The following SREBF2 variants were observed in gnomAD, a reference collection of about 807,000 sequenced individuals.
SREBF2 encodes sterol regulatory element-binding protein 2.
In SREBF2, 55 loss-of-function variants were observed where a neutral mutation model predicts 113.1. That is an observed-to-expected ratio of 0.49 (90% CI 0.39 to 0.61). SREBF2 has a LOEUF of 0.61. SREBF2 is among the 20% of genes least tolerant of loss of function. SREBF2 has a pLI of 0.00. For missense variants in SREBF2, 1,349 were observed against 1,487.4 expected, an observed-to-expected ratio of 0.91 and a Z score of 1.53; for synonymous variants, 593 against 605.7, an observed-to-expected ratio of 0.98 and a Z score of 0.31.
chr22:41,867,577 C>T (rs912175169), intron 2 of SREBF2, among the ~76,000 whole-genome samples: 3 of 152,088 alleles, frequency 2.0e-5, no homozygotes, highest in South Asian at 2.1e-4. Context: ...GAGGCCAAGG[C>T]GGGCGGATCA....
chr22:41,899,622 A>G (rs1011589647), intron 15 of SREBF2: 11 of 976,838 alleles, frequency 1.1e-5, no homozygotes, highest in South Asian at 9.3e-5. Flanking sequence ...TCATTGAAGT[A>G]GCCCCATTTG....
At chr22:41,839,551 G>A (rs2076808378) in intron 1 of SREBF2, among the ~76,000 whole-genome samples, 1 of 152,220 alleles carries the variant, frequency 6.6e-6, no homozygotes, top group Non-Finnish European at 1.5e-5. Context: ...GGAAGCAGGG[G>A]TGAGTGGGAG....
rs1392788689 is a variant in SREBF2 at position 41,864,329 on chromosome 22, T to A, written c.89-2502T>A. Among the ~76,000 whole-genome samples the A allele has an allele frequency of 6.0e-4, 76 of 126,102 alleles. 1 individual carries two copies. The highest frequency in any genetic ancestry group is 1.8e-3 in the African/African-American group (55 of 30,518). The allele number at this position is 126,102 out of a possible 152,430, so 82.7% of individuals were successfully genotyped here. ...TATATGTATATATATATATATTTTTTTTTTTTTTTGAGACTGAGTCTCGCT... is the reference window on the plus strand; with the variant it reads ...TATATGTATATATATATATATTTTTATTTTTTTTTGAGACTGAGTCTCGCT... On this transcript the variant is annotated intron_variant, in intron 1 of 18. Transcript: ENST00000361204.
At chr22:41,892,420 C>T (rs370962529) in intron 11 of SREBF2, among the ~76,000 whole-genome samples, 102 of 152,192 alleles carry the variant, frequency 6.7e-4, no homozygotes, top group African/African-American at 2.1e-3. Context: ...GAGGCCGAGA[C>T]GGGCGGATCA....
At chr22:41,875,236 T>A (rs2077183867) in intron 5 of SREBF2, 101 bp from the exon 6 acceptor site, 1 of 982,742 alleles carries the variant, frequency 1.0e-6, no homozygotes, top group South Asian at 1.4e-5. Flanking sequence ...TGGTTTCTCC[T>A]CTCACAGAGC....
intron 1 of SREBF2, chr22:41,834,350 A>G (rs2076748703): frequency 1.3e-5 from 2 of 152,122 alleles, no homozygotes; most frequent in South Asian, 4.2e-4. Flanking sequence ...CTTCCTCACA[A>G]CAATCCTGTG....
rs767371423 is a variant in SREBF2 at position 41,905,594 on chromosome 22, C to T, written c.3360C>T (p.Arg1120=). The stretch of plus-strand genomic sequence containing the variant: ...CCCTGGAGAAGGTGGGCGACCGGCG[C>T]TCCTGCAACGACTGCCAGCAGATGA... ...ARTLEKVGDR[R]SCNDCQQMIV... The change falls in exon 19 of 19, where the codon CGC becomes CGT. Residue 1120 remains arginine (R), a synonymous_variant. Transcript: ENST00000361204. The T allele has an allele frequency of 6.3e-7, 1 of 1,599,870 alleles. No individual in the cohort carries two copies. The highest frequency in any genetic ancestry group is 8.5e-7 in the Non-Finnish European group (1 of 1,174,148).
At position 41,840,638 on chromosome 22, in the gene SREBF2, G is replaced by T. The variant is rs867416847; in HGVS notation, c.88+7280G>T. Among the ~76,000 whole-genome samples, 8 of 152,284 alleles carry T rather than the reference G, an allele frequency of 5.3e-5. No individual in the cohort carries two copies. In the Middle Eastern group the frequency reaches 0.01, roughly 194 times the overall value. On this transcript the variant is annotated intron_variant, in intron 1 of 18. Transcript: ENST00000361204. ...GGACAGAGTTTTATGTCAGAATTTT[G>T]AAGGCATTGTCTGATTATCTTCTTG...
rs1056821520 is a variant in SREBF2 at position 41,875,709 on chromosome 22, A to G, written c.1371A>G (p.Leu457=). Residue 457 remains leucine (L), a synonymous_variant, in exon 7 of 19, where the codon CTA becomes CTG. Coordinates refer to ENST00000361204, the MANE Select transcript of SREBF2 (RefSeq NM_004599.4). The part of the protein sequence containing the change: ...YSIDSEPGSP[L]LDDAKVKDEP... ...TTGACTCTGAGCCAGGAAGCCCTCT[A>G]TTGGATGATGCAAAGGTACAGACTT... 5.0e-6 allele frequency: 8 copies of G among 1,614,088 alleles called. No homozygotes were observed. Among genetic ancestry groups the G allele is most frequent in the South Asian group, 1.1e-5 (1 of 91,060 alleles).
chr22:41,858,058 T>G (rs2076993682), intron 1 of SREBF2, among the ~76,000 whole-genome samples: 1 of 152,206 alleles, frequency 6.6e-6, no homozygotes, highest in East Asian at 1.9e-4. Context: ...GTTTTTTAAA[T>G]AATTATTAGA....
In SREBF2 at chr22:41,833,648, G is replaced by A. The variant is rs1002533312; in HGVS notation, c.88+290G>A. The A allele has an allele frequency of 4.7e-5, 16 of 338,376 alleles. 1 individual carries two copies. Among genetic ancestry groups the A allele is most frequent in the African/African-American group, 2.2e-4 (10 of 46,280 alleles). 21.0% of individuals were successfully genotyped at this position (338,376 alleles called of 1,614,324 possible). A position where few individuals can be genotyped will look rare whatever the true frequency, so the allele number is the denominator to read the frequency against. Reference sequence around the variant, plus strand: ...CTAGGGACGTCGCGGGGGCGTCTCAGGGAGCGGCCTAAGGAGAGCGCGTGG... The same window carrying A: ...CTAGGGACGTCGCGGGGGCGTCTCAAGGAGCGGCCTAAGGAGAGCGCGTGG... On this transcript the variant is annotated intron_variant, in intron 1 of 18. Transcript: ENST00000361204. The surrounding 1 kb of genome is among the most constrained non-coding windows in gnomAD (Gnocchi z 4.1).
At chr22:41,878,760 T>G in intron 9 of SREBF2, 7 of 1,303,496 alleles carry the variant, frequency 5.4e-6, no homozygotes, top group Non-Finnish European at 7.1e-6. Context: ...TCAGCAGCAG[T>G]GAGCCATGGG....
chr22:41,870,080 T>A (rs1000720194), intron 3 of SREBF2, among the ~76,000 whole-genome samples: 1 of 152,096 alleles, frequency 6.6e-6, no homozygotes, highest in Non-Finnish European at 1.5e-5. Context: ...GGTCTCAAAC[T>A]CCTGACCTCA....
chr22:41,844,057 C>CACACACACACAT (rs1396030019), intron 1 of SREBF2, among the ~76,000 whole-genome samples: 1 of 147,784 alleles, frequency 6.8e-6, no homozygotes, highest in African/African-American at 2.6e-5. Context: ...CACACACACA[C>CACACACACACAT]ACACACACGT....
chr22:41,869,258 C>T (rs2077116221), intron 3 of SREBF2, among the ~76,000 whole-genome samples: 1 of 151,404 alleles, frequency 6.6e-6, no homozygotes, highest in Non-Finnish European at 1.5e-5. Context: ...GCATGTGCCA[C>T]CACACCCGGC....
intron 16 of SREBF2, chr22:41,900,981 T>C (rs374204799): frequency 2.3e-5 from 12 of 532,282 alleles, no homozygotes; most frequent in African/African-American, 1.9e-4. Flanking sequence ...GTTCTGGTGG[T>C]ACCCATGCAA....
At chr22:41,879,417 G>A (rs145347938) in intron 9 of SREBF2, among the ~76,000 whole-genome samples, 11 of 152,278 alleles carry the variant, frequency 7.2e-5, no homozygotes, top group African/African-American at 2.6e-4. Context: ...GAGCAGGGGC[G>A]GGGCCAGAGT....
rs769933892 is a variant in SREBF2, at chr22:41,893,146, G to T, written c.2238G>T (p.Leu746=). 3.1e-6 allele frequency: 5 copies of T among 1,614,038 alleles called. No homozygotes were observed. The South Asian group carries it at 4.4e-5, about 14-fold the overall frequency. Residue 746 remains leucine (L), a synonymous_variant, in exon 12 of 19, where the codon CTG becomes CTT. Coordinates refer to ENST00000361204, the MANE Select transcript of SREBF2 (RefSeq NM_004599.4). ...ACTTCCTCAGCCGAGCCCAGAGCCT[G>T]TGTGGCCCCGAGCACAGTGCTGTTC... is the stretch of plus-strand genomic sequence containing the variant. The part of the protein sequence containing the change: ...ASYFLSRAQS[L]CGPEHSAVPD...
chr22:41,905,509 C>CCCTCTCCTT lies in SREBF2; in HGVS notation c.3284_3292dup (p.Phe1095_Ser1097dup). 1.9e-6 allele frequency: 3 copies of CCCTCTCCTT among 1,582,764 alleles called. No individual in the cohort carries two copies. Among genetic ancestry groups the CCCTCTCCTT allele is most frequent in the Non-Finnish European group, 2.6e-6 (3 of 1,164,890 alleles). Reference sequence around the variant, plus strand: ...ATCCTGCTGGCCTGCCGCCACCTGCCCCTCTCCTTCCTCTCCTCCCCGGGC... The same window carrying CCCTCTCCTT: ...ATCCTGCTGGCCTGCCGCCACCTGCCCCTCTCCTTCCTCTCCTTCCTCTCCTCCCCGGGC... On this transcript the variant is annotated inframe_insertion, in exon 19 of 19. Transcript: ENST00000361204.
Sources: gnomAD v4.1 joint callset for allele counts (sites outside exome capture counted in the v4.1 genomes callset) on GRCh38, gnomAD v4.1.1 for gene constraint, Gnocchi (gnomAD v3.1) non-coding constraint, MANE v1.5 for transcripts, NCBI Gene and HGNC (gene_info 2026-07-23, HGNC 2026-07-21) for gene names.